The following TMEM131 variants were observed in gnomAD, a reference collection of about 807,000 sequenced individuals.
TMEM131 encodes the protein 2610524E03Rik.
In TMEM131, 66 loss-of-function variants were observed where a neutral mutation model predicts 211.6. The ratio of observed to expected loss-of-function variants is 0.31; its 90% CI spans 0.26 to 0.38. The LOEUF is 0.38. Among genes scored for constraint, TMEM131 ranks in the 10% least tolerant of loss-of-function variants. TMEM131 has a pLI of 1.00. For synonymous variants in TMEM131, 844 were observed against 841.3 expected (o/e 1.00, Z -0.06); for missense variants, 2,036 against 2,299.3 (o/e 0.89, Z 2.34).
chr2:97,861,523 T>C (rs569737835), intron 4 of TMEM131, among the ~76,000 whole-genome samples: 30 of 151,990 alleles, frequency 2.0e-4, no homozygotes, highest in South Asian at 1.5e-3. Context: ...TGGCAGCATT[T>C]ACCACAAGCT....
intron 18 of TMEM131, 55 bp from the exon 19 acceptor site, chr2:97,809,829 G>A: frequency 7.3e-7 from 1 of 1,367,676 alleles, no homozygotes; most frequent in East Asian, 2.5e-5. Context: ...GCCTGATCTT[G>A]ATAACTATTG....
chr2:97,759,232 G>C, intron 39 of TMEM131, 179 bp from the exon 40 acceptor site: 1 of 700,694 alleles, frequency 1.4e-6, no homozygotes, highest in Non-Finnish European at 2.4e-6. Context: ...GAACTCAAAC[G>C]CATAGTGCAC....
intron 36 of TMEM131, 104 bp from the exon 37 acceptor site, chr2:97,761,018 C>A: frequency 1.4e-6 from 2 of 1,473,246 alleles, no homozygotes; most frequent in Non-Finnish European, 9.2e-7. Flanking sequence ...TTCTCTGCAG[C>A]GGGGCAGCTC....
At chr2:97,944,327 T>C (rs945295672) in intron 1 of TMEM131, among the ~76,000 whole-genome samples, 4 of 151,942 alleles carry the variant, frequency 2.6e-5, no homozygotes, top group African/African-American at 9.7e-5. Context: ...AAAAATTAAA[T>C]CCAGAAGGAA....
At chr2:97,935,937 CAA>C (rs2104471131) in intron 1 of TMEM131, among the ~76,000 whole-genome samples, 1 of 152,268 alleles carries the variant, frequency 6.6e-6, no homozygotes, top group East Asian at 1.9e-4. Flanking sequence ...GCACTATAAC[CAA>C]CAGCCCAATC....
chr2:97,902,244 A>G (rs1046259488), intron 3 of TMEM131, among the ~76,000 whole-genome samples: 20 of 152,198 alleles, frequency 1.3e-4, no homozygotes, highest in Non-Finnish European at 2.8e-4. Flanking sequence ...AATTTAGAAT[A>G]CAGTATTTTG....
intron 1 of TMEM131, among the ~76,000 whole-genome samples, chr2:97,936,675 A>C (rs1337307600): frequency 6.6e-6 from 1 of 152,210 alleles, no homozygotes; most frequent in Non-Finnish European, 1.5e-5. Context: ...ACAGCAACAA[A>C]AACAACAACA....
At chr2:97,771,079 C>G (rs1206713501) in intron 33 of TMEM131, among the ~76,000 whole-genome samples, 1 of 152,038 alleles carries the variant, frequency 6.6e-6, no homozygotes, top group Non-Finnish European at 1.5e-5. Flanking sequence ...AAGAGGTGGT[C>G]TCCTTTTCTC....
intron 6 of TMEM131, among the ~76,000 whole-genome samples, chr2:97,842,311 C>T (rs914250262): frequency 6.6e-6 from 1 of 152,202 alleles, no homozygotes; most frequent in Non-Finnish European, 1.5e-5. Flanking sequence ...GTCATTCCCA[C>T]ATGGGATGGC....
At chr2:97,949,058 T>C (rs1407186255) in intron 1 of TMEM131, among the ~76,000 whole-genome samples, 1 of 152,174 alleles carries the variant, frequency 6.6e-6, no homozygotes, top group Non-Finnish European at 1.5e-5. Flanking sequence ...AATGAAAGAC[T>C]TGTACATGAA....
intron 2 of TMEM131, among the ~76,000 whole-genome samples, chr2:97,925,876 C>T (rs547010580): frequency 8.6e-5 from 13 of 152,000 alleles, no homozygotes; most frequent in South Asian, 6.2e-4. Flanking sequence ...TTTGGGAGGC[C>T]GAGGCGGGCG....
intron 25 of TMEM131, 74 bp from the exon 26 acceptor site, chr2:97,797,590 T>C: frequency 6.8e-6 from 9 of 1,324,050 alleles, no homozygotes; most frequent in Non-Finnish European, 9.4e-6. Flanking sequence ...TTACACCCCA[T>C]CTAGAGCCCA....
intron 3 of TMEM131, among the ~76,000 whole-genome samples, chr2:97,905,308 A>T (rs576933750): frequency 4.6e-5 from 7 of 152,276 alleles, no homozygotes; most frequent in Non-Finnish European, 8.8e-5. Context: ...TTGATGAACA[A>T]CCAGCAGTCA....
At chr2:97,887,860 T>TA (rs1675225052) in intron 4 of TMEM131, 192 bp downstream of exon 4, 1 of 468,246 alleles carries the variant, frequency 2.1e-6, no homozygotes, top group Non-Finnish European at 3.8e-6. Context: ...TAAAAGTTAA[T>TA]ATTACATGTT....
intron 1 of TMEM131, among the ~76,000 whole-genome samples, chr2:97,937,082 G>C (rs1677479644): frequency 1.3e-5 from 2 of 152,038 alleles, no homozygotes; most frequent in South Asian, 4.1e-4. Context: ...GCAATCAACA[G>C]TAATGGTCCC....
chr2:97,895,721 T>G (rs1675581389), intron 3 of TMEM131, among the ~76,000 whole-genome samples: 1 of 152,200 alleles, frequency 6.6e-6, no homozygotes, highest in Non-Finnish European at 1.5e-5. Flanking sequence ...TGATATCCCC[T>G]TTATCATTTT....
rs192117192 is a variant in TMEM131, at chr2:97,762,436, C to T, written c.4724-236G>A. 666 of 402,836 alleles carry T rather than the reference C, an allele frequency of 1.7e-3. 1 individual carries two copies. The highest frequency in any genetic ancestry group is 2.7e-3 in the Non-Finnish European group (607 of 224,076). The allele number at this position is 402,836 out of a possible 1,614,324, so 25.0% of individuals were successfully genotyped here. On this transcript the variant is annotated intron_variant, in intron 35 of 40. Coordinates refer to ENST00000186436, the MANE Select transcript of TMEM131 (RefSeq NM_015348.2). ...GCCCGGTCCCTGCTGTGTTGTGTGG[C>T]GGACAGTCAATGTCTTCACTTCTCC...
At position 97,772,231 on chromosome 2, in the gene TMEM131, C is replaced by G. The variant is rs1209361337; in HGVS notation, c.4448+66G>C. The G allele has an allele frequency of 1.9e-6, 3 of 1,565,560 alleles. No individual in the cohort carries two copies. The East Asian group carries it at 6.8e-5, about 36-fold the overall frequency. Reference sequence around the variant, plus strand: ...AGCCAGCCAAATGGCCAAATCAAAACAGCACCTGGTTTTCGCCAGCAACTT... The same window carrying G: ...AGCCAGCCAAATGGCCAAATCAAAAGAGCACCTGGTTTTCGCCAGCAACTT... On this transcript the variant is annotated intron_variant, in intron 33 of 40. Transcript: ENST00000186436.
intron 40 of TMEM131, among the ~76,000 whole-genome samples, chr2:97,757,726 T>C (rs1678575399): frequency 6.6e-6 from 1 of 152,186 alleles, no homozygotes; most frequent in African/African-American, 2.4e-5. Flanking sequence ...AAAAGACAGC[T>C]TGTGGACCAA....
Sources: allele counts gnomAD v4.1 joint callset (sites outside exome capture counted in the v4.1 genomes callset), GRCh38; gene constraint gnomAD v4.1.1; transcripts MANE v1.5; gene names NCBI Gene and HGNC (gene_info 2026-07-23, HGNC 2026-07-21).